Variants in NSRP1 observed in about 807,000 individuals in gnomAD.
The protein encoded by NSRP1 is nuclear speckle splicing regulatory protein 1.
Under a neutral mutation model 54.7 loss-of-function variants are expected in NSRP1, and 24 were observed. The ratio of observed to expected loss-of-function variants is 0.44; its 90% CI spans 0.32 to 0.62. The LOEUF is 0.62. Ranked by LOEUF, NSRP1 falls within the 20% of genes least tolerant of loss-of-function variation. The pLI, the probability that NSRP1 is intolerant of heterozygous loss-of-function variation, is 0.06. For missense variants in NSRP1, 596 were observed against 651.2 expected (o/e 0.92, Z 0.92); for synonymous variants, 210 against 213.8 (o/e 0.98, Z 0.15).
chr17:30,178,123 A>T lies in NSRP1; in HGVS notation c.224A>T (p.Tyr75Phe), dbSNP rs1905187586. ...ALAEDATVYE[Y>F]DSIYDEMQKK... Reference sequence around the variant, plus strand: ...GCAGAAGATGCTACTGTGTATGAATATGACAGTATTTATGATGAAATGCAG... The same window carrying T: ...GCAGAAGATGCTACTGTGTATGAATTTGACAGTATTTATGATGAAATGCAG... Residue 75 changes from tyrosine to phenylalanine, a missense_variant, in exon 4 of 7, where the codon TAT (tyrosine) becomes TTT (phenylalanine). Coordinates refer to ENST00000247026, the MANE Select transcript of NSRP1 (RefSeq NM_032141.4). 6.2e-7 allele frequency: 1 copy of T among 1,610,128 alleles called. No individual in the cohort carries two copies. Among genetic ancestry groups the T allele is most frequent in the Non-Finnish European group, 8.5e-7 (1 of 1,178,056 alleles).
At chr17:30,124,149 AG>A (rs1294075562) in intron 2 of NSRP1, among the ~76,000 whole-genome samples, 1 of 151,536 alleles carries the variant, frequency 6.6e-6, no homozygotes, top group Non-Finnish European at 1.5e-5. Flanking sequence ...TGGTAATGTT[AG>A]GTACTTGGAA....
chr17:30,133,525 A>G (rs1320264863), intron 2 of NSRP1, among the ~76,000 whole-genome samples: 1 of 152,156 alleles, frequency 6.6e-6, no homozygotes, highest in East Asian at 1.9e-4. Flanking sequence ...TCATTTATAG[A>G]GCACAGGCAA....
chr17:30,132,398 A>G (rs746113031), intron 2 of NSRP1, among the ~76,000 whole-genome samples: 6 of 151,212 alleles, frequency 4.0e-5, no homozygotes, highest in Non-Finnish European at 7.4e-5. Flanking sequence ...ACTAAAAAAT[A>G]AAAAAGTTAG....
rs60387947 is a variant in NSRP1, at chr17:30,176,104, GTTGTTTTGTT to G, written c.172-1947_172-1938del. On this transcript the variant is annotated intron_variant, in intron 3 of 6. Transcript: ENST00000247026. ...CATACTGTTTTTTTTTGTTGTTGTTGTTGTTTTGTTTTGTTTTGTTTTGTTTTGTCTGTTC... is the reference window on the plus strand; with the variant it reads ...CATACTGTTTTTTTTTGTTGTTGTTGTTGTTTTGTTTTGTTTTGTCTGTTC... 8.3e-4 allele frequency among the ~76,000 whole-genome samples: 125 copies of G among 150,306 alleles called. 1 individual carries two copies. Among genetic ancestry groups the G allele is most frequent in the Admixed American group, 2.9e-3 (44 of 15,114 alleles).
chr17:30,143,680 C>G (rs1338072007), intron 2 of NSRP1, among the ~76,000 whole-genome samples: 1 of 152,000 alleles, frequency 6.6e-6, no homozygotes, highest in Non-Finnish European at 1.5e-5. Context: ...CGGAGTTTTT[C>G]TTTTATTGGT....
intron 2 of NSRP1, among the ~76,000 whole-genome samples, chr17:30,147,189 T>G (rs1443782271): frequency 6.7e-6 from 1 of 150,300 alleles, no homozygotes; most frequent in African/African-American, 2.5e-5. Flanking sequence ...AATGCAATGG[T>G]GCGATCTCGG....
At chr17:30,176,332 C>T (rs544583956) in intron 3 of NSRP1, among the ~76,000 whole-genome samples, 3 of 152,194 alleles carry the variant, frequency 2.0e-5, no homozygotes, top group East Asian at 1.9e-4. Context: ...CAGCCCTGGC[C>T]GGGTGCAGTG....
intron 2 of NSRP1, chr17:30,150,779 C>A (rs2071901703): frequency 7.2e-6 from 1 of 138,562 alleles, no homozygotes; most frequent in Non-Finnish European, 1.5e-5. Flanking sequence ...TCTCCGCCTT[C>A]TGGATTCAAG....
chr17:30,148,780 G>T (rs1300388051), intron 2 of NSRP1, among the ~76,000 whole-genome samples: 1 of 152,166 alleles, frequency 6.6e-6, no homozygotes, highest in African/African-American at 2.4e-5. Context: ...ATATGTATCT[G>T]TTCTGCCCAG....
chr17:30,143,834 G>A (rs2071827754), intron 2 of NSRP1, among the ~76,000 whole-genome samples: 1 of 152,078 alleles, frequency 6.6e-6, no homozygotes, highest in Non-Finnish European at 1.5e-5. Context: ...GAATGTAATT[G>A]AATTGTTTGC....
intron 2 of NSRP1, chr17:30,144,835 T>C (rs1487178596): frequency 6.6e-6 from 1 of 152,178 alleles, no homozygotes; most frequent in African/African-American, 2.4e-5. Flanking sequence ...CAAAGCTCTT[T>C]TCTTCTTTAT....
chr17:30,172,967 ATT>A (rs879921029), intron 3 of NSRP1, among the ~76,000 whole-genome samples: 1 of 145,556 alleles, frequency 6.9e-6, no homozygotes, highest in Admixed American at 6.9e-5. Context: ...AGATATATAG[ATT>A]TTTTTTTTTT....
intron 3 of NSRP1, among the ~76,000 whole-genome samples, chr17:30,177,138 A>T (rs1185674174): frequency 6.6e-6 from 1 of 152,038 alleles, no homozygotes; most frequent in Non-Finnish European, 1.5e-5. Flanking sequence ...GGGGGCGCTG[A>T]GGTGGGTGGA....
chr17:30,170,067 GC>G (rs1904873211), intron 2 of NSRP1, among the ~76,000 whole-genome samples: 1 of 151,762 alleles, frequency 6.6e-6, no homozygotes, highest in Admixed American at 6.6e-5. Context: ...TGTAGCCCTT[GC>G]CCCCACAAAT....
intron 2 of NSRP1, among the ~76,000 whole-genome samples, chr17:30,167,608 TA>T (rs910263656): frequency 8.8e-5 from 13 of 147,160 alleles, no homozygotes; most frequent in Admixed American, 2.7e-4. Flanking sequence ...GACTCTGTCT[TA>T]AAAAAAAAAA....
chr17:30,164,083 A>G (rs1383372397), intron 2 of NSRP1, among the ~76,000 whole-genome samples: 4 of 152,148 alleles, frequency 2.6e-5, no homozygotes. Context: ...TAGACCAGTC[A>G]CTTTCTTCCC....
At chr17:30,144,244 G>GATTATTATT (rs929998956) in intron 2 of NSRP1, 3 of 148,482 alleles carry the variant, frequency 2.0e-5, no homozygotes, top group African/African-American at 7.4e-5. Context: ...AGGCATGTAA[G>GATTATTATT]ATTATTATTA....
At chr17:30,172,486 C>T in intron 2 of NSRP1, 56 bp from the exon 3 acceptor site, 1 of 1,453,578 alleles carries the variant, frequency 6.9e-7, no homozygotes, top group South Asian at 1.2e-5. Flanking sequence ...GACGCTCGTA[C>T]TGGAAAAGAA....
At chr17:30,117,252 T>C in intron 1 of NSRP1, 1 of 601,692 alleles carries the variant, frequency 1.7e-6, no homozygotes, top group Non-Finnish European at 3.0e-6. Flanking sequence ...GGCCTTGTTC[T>C]CCTTGGCAGA....
Sources: allele counts gnomAD v4.1 joint callset (sites outside exome capture counted in the v4.1 genomes callset), GRCh38; gene constraint gnomAD v4.1.1; transcripts MANE v1.5; gene names NCBI Gene and HGNC (gene_info 2026-07-23, HGNC 2026-07-21).